The following MPI variants were observed in gnomAD, a reference collection of about 807,000 sequenced individuals.
The protein encoded by MPI is mannose-6-phosphate isomerase.
A neutral mutation model predicts 40.1 loss-of-function variants in MPI; 33 were observed. That is an observed-to-expected ratio of 0.82 (90% CI 0.62 to 1.10). The LOEUF is 1.10. MPI is among the 50% of genes least tolerant of loss of function. The pLI is 0.00. For synonymous variants in MPI, 187 were observed against 207.4 expected, an observed-to-expected ratio of 0.90 and a Z score of 0.85; for missense variants, 514 against 524.1, an observed-to-expected ratio of 0.98 and a Z score of 0.19.
intron 5 of MPI, chr15:74,895,484 T>C (rs946060352): frequency 1.3e-5 from 2 of 151,986 alleles, no homozygotes; most frequent in African/African-American, 4.8e-5. Flanking sequence ...TTCTCGCTAC[T>C]CAGGAGGCTG....
chr15:74,891,426 C>G lies in MPI; in HGVS notation c.192C>G (p.Asn64Lys). Residue 64 changes from asparagine (N) to lysine (K), a missense_variant, in exon 3 of 8, where the codon AAC becomes AAG. By Grantham distance (94) the Asn-to-Lys change is moderately conservative. Coordinates refer to ENST00000352410, the MANE Select transcript of MPI (RefSeq NM_002435.3). ...HPRGDAKILD[N>K]RISQKTLSQW... ...GAGGGGATGCCAAGATCCTTGACAA[C>G]CGCATCTCACAGAAGACCCTAAGCC... 1.9e-6 allele frequency: 3 copies of G among 1,614,236 alleles called. No individual in the cohort carries two copies. The highest frequency in any genetic ancestry group is 1.3e-5 in the African/African-American group (1 of 75,060).
chr15:74,894,059 T>A (rs2064769734), intron 5 of MPI, among the ~76,000 whole-genome samples: 1 of 37,106 alleles, frequency 2.7e-5, no homozygotes, highest in African/African-American at 1.4e-4. Context: ...TGTGTGTGTG[T>A]GTGTGTGTGT....
Position 74,890,183 on chromosome 15 carries a change from G to A in MPI, c.16+94G>A, listed in dbSNP as rs62619820. 10,457 of 1,546,442 alleles carry A rather than the reference G, an allele frequency of 6.8e-3. 46 individuals are homozygous for A. The highest frequency in any genetic ancestry group is 8.3e-3 in the Non-Finnish European group (9,481 of 1,139,010). On this transcript the variant is annotated intron_variant, in intron 1 of 7. Transcript: ENST00000352410. The stretch of plus-strand genomic sequence containing the variant: ...ATCGGCCAGGTTGAGTCCGCTCCTG[G>A]CATTCCGCGGAAAGATGGGTGGGTG...
chr15:74,894,168 CTGCCT>C, intron 5 of MPI, among the ~76,000 whole-genome samples: 1 of 65,150 alleles, frequency 1.5e-5, no homozygotes, highest in Non-Finnish European at 6.8e-5. Context: ...ACTGCAGCCT[CTGCCT>C]CCCGGGTTCA....
Position 74,897,182 on chromosome 15 carries a change from A to AC in MPI, c.1022dup (p.Val342CysfsTer17), listed in dbSNP as rs765310894. 6 of 1,613,432 alleles carry AC rather than the reference A, an allele frequency of 3.7e-6. No homozygotes were observed. The African/African-American group carries it at 4.0e-5, about 11-fold the overall frequency. On this transcript the variant is annotated frameshift_variant, in exon 7 of 8. Coordinates refer to ENST00000352410, the MANE Select transcript of MPI (RefSeq NM_002435.3). LOFTEE classifies it high-confidence loss of function. ...GAAGACCCCTACCTCTCAATCTATG[A>AC]CCCCCCTGTACCAGACTTCACCATT...
rs982032631 is a variant in MPI at position 74,897,982 on chromosome 15, C to T, written c.*252C>T. The T allele has an allele frequency of 1.3e-5, 7 of 548,364 alleles. No homozygotes were observed. The highest frequency in any genetic ancestry group is 7.5e-5 in the African/African-American group (4 of 53,188). 34.0% of individuals were successfully genotyped at this position (548,364 alleles called of 1,614,324 possible). A position where few individuals can be genotyped will look rare whatever the true frequency, so the allele number is the denominator to read the frequency against. On this transcript the variant is annotated 3_prime_UTR_variant, in exon 8 of 8. Coordinates refer to ENST00000352410, the MANE Select transcript of MPI (RefSeq NM_002435.3). The stretch of plus-strand genomic sequence containing the variant: ...TGTCTTCCCTCTCTACTCCTCGCTA[C>T]ACCTGAGCCAGGCTCTTGCCAACTC...
intron 2 of MPI, 42 bp from the exon 3 acceptor site, chr15:74,891,337 G>A (rs2064723061): frequency 1.3e-6 from 2 of 1,598,232 alleles, no homozygotes; most frequent in Non-Finnish European, 1.7e-6. Context: ...CAGGGTGGCA[G>A]GTTTCTTCCC....
Position 74,897,538 on chromosome 15 carries a change from G to GA in MPI, c.1080_1081insA (p.Val361SerfsTer42). On this transcript the variant is annotated frameshift_variant, in exon 8 of 8. Coordinates refer to ENST00000352410, the MANE Select transcript of MPI (RefSeq NM_002435.3). LOFTEE classifies it high-confidence loss of function. ...TCCCTGGCTCTGTCACTGAATACAA[G>GA]GTCTTGGCACTGGACTCTGCCAGCA... The GA allele has an allele frequency of 6.2e-7, 1 of 1,614,082 alleles. No individual in the cohort carries two copies. The highest frequency in any genetic ancestry group is 8.5e-7 in the Non-Finnish European group (1 of 1,179,962).
Position 74,900,583 on chromosome 15 carries a change from A to G in MPI, c.*2853A>G, listed in dbSNP as rs995691920. The G allele has an allele frequency of 6.6e-6, 1 of 152,104 alleles. No homozygotes were observed. Among genetic ancestry groups the G allele is most frequent in the African/African-American group, 2.4e-5 (1 of 41,422 alleles). The allele number at this position is 152,104 out of a possible 1,614,324, so 9.4% of individuals were successfully genotyped here. ...ACTGTGCTACATTTGATCCCTTTCC[A>G]CATGTGCACTTCACCTCTGCAGACA... On this transcript the variant is annotated 3_prime_UTR_variant, in exon 8 of 8. Transcript: ENST00000352410.
intron 7 of MPI, 55 bp downstream of exon 7, chr15:74,897,274 G>A (rs1309781343): frequency 1.9e-6 from 3 of 1,591,662 alleles, no homozygotes; most frequent in Non-Finnish European, 2.6e-6. Flanking sequence ...TCTCTGGCAA[G>A]GGTCACGATG....
intron 4 of MPI, 123 bp from the exon 5 acceptor site, chr15:74,893,015 G>C (rs1243044111): frequency 1.1e-5 from 15 of 1,411,496 alleles, no homozygotes; most frequent in Non-Finnish European, 1.4e-5. Context: ...CCACTGCAAA[G>C]TTTACTTAGC....
chr15:74,898,063 A>C lies in MPI; in HGVS notation c.*333A>C. On this transcript the variant is annotated 3_prime_UTR_variant, in exon 8 of 8. Transcript: ENST00000352410. ...TAAATATGTGACCCAGCATTAGCTCAGCATCTGTCAGAGCAAGAGACCAGG... is the reference window on the plus strand; with the variant it reads ...TAAATATGTGACCCAGCATTAGCTCCGCATCTGTCAGAGCAAGAGACCAGG... The C allele has an allele frequency of 2.5e-6, 1 of 403,178 alleles. No individual in the cohort carries two copies. Among genetic ancestry groups the C allele is most frequent in the Non-Finnish European group, 4.7e-6 (1 of 210,676 alleles). The allele number at this position is 403,178 out of a possible 1,614,324, so 25.0% of individuals were successfully genotyped here.
chr15:74,891,130 G>C (rs2064719476), intron 2 of MPI: 1 of 610,132 alleles, frequency 1.6e-6, no homozygotes, highest in Admixed American at 2.6e-5. Flanking sequence ...AGACAAAGAA[G>C]ATACATCTAA....
chr15:74,892,316 A>G (rs1161825842), intron 3 of MPI, among the ~76,000 whole-genome samples: 1 of 152,194 alleles, frequency 6.6e-6, no homozygotes, highest in African/African-American at 2.4e-5. Flanking sequence ...CTAGATACAC[A>G]AAGTAAGACC....
At position 74,892,642 on chromosome 15, in the gene MPI, T is replaced by TC. The variant is rs1266197265; in HGVS notation, c.346-15dup. 2 of 1,613,580 alleles carry TC rather than the reference T, an allele frequency of 1.2e-6. No homozygotes were observed. The highest frequency in any genetic ancestry group is 1.7e-6 in the Non-Finnish European group (2 of 1,179,988). On this transcript the variant is annotated intron_variant, in intron 3 of 7. Coordinates refer to ENST00000352410, the MANE Select transcript of MPI (RefSeq NM_002435.3). Reference sequence around the variant, plus strand: ...GGCTGTACCCTCACCATCCTCCTCTTCCCCTGGCCACCCCACAGGAGCTGG... The same window carrying TC: ...GGCTGTACCCTCACCATCCTCCTCTTCCCCCTGGCCACCCCACAGGAGCTGG...
chr15:74,898,420 G>T lies in MPI; in HGVS notation c.*690G>T, dbSNP rs2064855502. On this transcript the variant is annotated 3_prime_UTR_variant, in exon 8 of 8. Transcript: ENST00000352410. ...GAGGAAGCCAGCTTTGGCCTCACAG[G>T]CACAGCTTGCAAGCAGGCCTTGGGT... The T allele has an allele frequency of 6.0e-6, 1 of 167,034 alleles. No homozygotes were observed. The highest frequency in any genetic ancestry group is 1.3e-5 in the Non-Finnish European group (1 of 75,344). The allele number at this position is 167,034 out of a possible 1,614,324, so 10.3% of individuals were successfully genotyped here.
chr15:74,894,550 C>T (rs1317127509), intron 5 of MPI, among the ~76,000 whole-genome samples: 2 of 150,006 alleles, frequency 1.3e-5, no homozygotes, highest in Admixed American at 1.3e-4. Context: ...ATTAGCCAGG[C>T]GAGGCAGAGG....
intron 5 of MPI, among the ~76,000 whole-genome samples, chr15:74,894,809 A>G (rs2064793268): frequency 6.7e-6 from 1 of 149,490 alleles, no homozygotes; most frequent in South Asian, 2.1e-4. Flanking sequence ...AAGAAAAAGA[A>G]AAAGAAAAAA....
chr15:74,890,817 A>C, intron 2 of MPI, 163 bp downstream of exon 2: 3 of 926,892 alleles, frequency 3.2e-6, no homozygotes, highest in Non-Finnish European at 5.0e-6. Context: ...AAAAGAAGAG[A>C]GGTTTTGTCA....
Sources: gnomAD v4.1 joint callset for allele counts (sites outside exome capture counted in the v4.1 genomes callset) on GRCh38, gnomAD v4.1.1 for gene constraint, MANE v1.5 for transcripts, NCBI Gene and HGNC (gene_info 2026-07-23, HGNC 2026-07-21) for gene names.